BCL2L15: variants seen among roughly 807,000 people sequenced by gnomAD.
BCL2L15 encodes the protein BCL2 like 15, also known as bcl-2-like protein 15.
Under a neutral mutation model 18.3 loss-of-function variants are expected in BCL2L15, and 15 were observed. The observed-to-expected ratio is 0.82, with a 90% CI of 0.55 to 1.26. The LOEUF (loss-of-function observed/expected upper bound fraction) is 1.26. Ranked by LOEUF, BCL2L15 falls within the 50% of genes most tolerant of loss-of-function variation. The pLI is 0.00. For synonymous variants in BCL2L15, 58 were observed against 68.5 expected (o/e 0.85, Z 0.76); for missense variants, 180 against 201.7 (o/e 0.89, Z 0.65).
rs199687942 is a variant in BCL2L15 at position 113,887,343 on chromosome 1, C to G, written c.33G>C (p.Thr11=). 2 of 1,614,104 alleles carry G rather than the reference C, an allele frequency of 1.2e-6. No individual in the cohort carries two copies. Among genetic ancestry groups the G allele is most frequent in the Admixed American group, 3.3e-5 (2 of 60,028 alleles). MKSSQTFEEQ[T]ECIVNTLLMD... is the part of the protein sequence containing the mutation. The stretch of plus-strand genomic sequence containing the variant: ...TGAGTAGAGTGTTCACAATGCATTC[C>G]GTTTGTTCCTCAAAAGTTTGGGAGC... Residue 11 remains threonine, a synonymous_variant, in exon 1 of 4, where the codon ACG becomes ACC. Transcript: ENST00000393316.
intron 2 of BCL2L15, among the ~76,000 whole-genome samples, chr1:113,884,671 G>T (rs1217423): frequency 0.41 from 62,002 of 152,046 alleles, 15,528 homozygotes; most frequent in African/African-American, 0.71. Context: ...ATTCAAGAGA[G>T]AAATTATTTG....
intron 3 of BCL2L15, 178 bp downstream of exon 3, chr1:113,881,595 G>A: frequency 7.0e-7 from 1 of 1,428,018 alleles, no homozygotes; most frequent in South Asian, 1.5e-5. Flanking sequence ...TCCACAGGCT[G>A]AGCTTCTGTC....
intron 2 of BCL2L15, among the ~76,000 whole-genome samples, chr1:113,883,417 G>A (rs1009187524): frequency 6.6e-6 from 1 of 151,688 alleles, no homozygotes; most frequent in African/African-American, 2.4e-5. Flanking sequence ...GGGAGGCAGA[G>A]GTTGAAGAGA....
At chr1:113,882,043 T>G (rs759756081) in intron 2 of BCL2L15, 46 bp from the exon 3 acceptor site, 1 of 1,469,100 alleles carries the variant, frequency 6.8e-7, no homozygotes, top group East Asian at 2.3e-5. Context: ...ACTCAAAAAG[T>G]GCAGGAGGCT....
rs1212788584 is a variant in BCL2L15, at chr1:113,881,950, C to T, written c.297G>A (p.Trp99Ter). 2 of 1,613,934 alleles carry T rather than the reference C, an allele frequency of 1.2e-6. No homozygotes were observed. The highest frequency in any genetic ancestry group is 2.7e-5 in the African/African-American group (2 of 74,922). ...QDTVESLSKTWCAQDSSLAYE... is the reference protein window; with the variant it reads ...QDTVESLSKT ...AAGCTAAGCTGGAATCCTGAGCACA[C>T]CAGGTCTTGCTGAGAGATTCCACAG... is the stretch of plus-strand genomic sequence containing the variant. The change falls in exon 3 of 4, where the codon TGG becomes TGA. Residue 99 changes from tryptophan to a stop codon, truncating the protein, a stop_gained. Coordinates refer to ENST00000393316, the MANE Select transcript of BCL2L15 (RefSeq NM_001010922.3). LOFTEE classifies it high-confidence loss of function.
intron 2 of BCL2L15, among the ~76,000 whole-genome samples, chr1:113,882,209 C>G (rs1666897529): frequency 6.6e-6 from 1 of 152,150 alleles, no homozygotes; most frequent in Non-Finnish European, 1.5e-5. Context: ...AGTAGTCCAT[C>G]AAACCCATGA....
chr1:113,887,165 T>C, intron 1 of BCL2L15, 84 bp downstream of exon 1: 4 of 1,367,628 alleles, frequency 2.9e-6, no homozygotes, highest in Non-Finnish European at 3.1e-6. Flanking sequence ...CCCAAAGTGC[T>C]GGGATTACGG....
At chr1:113,886,906 GT>G (rs142883498) in intron 1 of BCL2L15, among the ~76,000 whole-genome samples, 46,201 of 145,068 alleles carry the variant, frequency 0.32, 8,532 homozygotes, top group East Asian at 0.77. Context: ...AAAATATACT[GT>G]TTTTTTTTTT....
In BCL2L15 at chr1:113,879,065, G is replaced by A. The variant is rs903271190; in HGVS notation, c.*2058C>T. 4 of 152,080 alleles carry A rather than the reference G, an allele frequency of 2.6e-5. No homozygotes were observed. The highest frequency in any genetic ancestry group is 9.7e-5 in the African/African-American group (4 of 41,412). The allele number at this position is 152,080 out of a possible 1,614,324, so 9.4% of individuals were successfully genotyped here. On this transcript the variant is annotated 3_prime_UTR_variant, in exon 4 of 4. Transcript: ENST00000393316. ...AGGGTTTCACCATGTTGGCCAGGCT[G>A]GTCTCAAACTCCTAACCTCAGGTGA... is the stretch of plus-strand genomic sequence containing the variant.
Position 113,877,939 on chromosome 1 carries a change from C to A in BCL2L15, c.*3184G>T, listed in dbSNP as rs1383130081. On this transcript the variant is annotated 3_prime_UTR_variant, in exon 4 of 4. Transcript: ENST00000393316. ...AGAGTATGGGGATAAGAAAGGTACA[C>A]ATAAATAAATAATAAGCATCTGTGG... Among the ~76,000 whole-genome samples, 7 of 152,012 alleles carry A rather than the reference C, an allele frequency of 4.6e-5. No individual in the cohort carries two copies. Among genetic ancestry groups the A allele is most frequent in the Non-Finnish European group, 1.0e-4 (7 of 68,010 alleles).
chr1:113,880,822 T>C lies in BCL2L15; in HGVS notation c.*301A>G. 2 of 416,574 alleles carry C rather than the reference T, an allele frequency of 4.8e-6. No homozygotes were observed. Among genetic ancestry groups the C allele is most frequent in the Non-Finnish European group, 8.7e-6 (2 of 229,812 alleles). The allele number at this position is 416,574 out of a possible 1,614,324, so 25.8% of individuals were successfully genotyped here. A position where few individuals can be genotyped will look rare whatever the true frequency, so the allele number is the denominator to read the frequency against. ...ATTCCACTACTAACAAGTCATTACT[T>C]TGTGTCTAGGGGTCTTTGCTTCAAC... On this transcript the variant is annotated 3_prime_UTR_variant, in exon 4 of 4. Coordinates refer to ENST00000393316, the MANE Select transcript of BCL2L15 (RefSeq NM_001010922.3).
At chr1:113,886,906 G>GT (rs142883498) in intron 1 of BCL2L15, among the ~76,000 whole-genome samples, 4,011 of 145,094 alleles carry the variant, frequency 0.028, 175 homozygotes, top group African/African-American at 0.093. Flanking sequence ...AAAATATACT[G>GT]TTTTTTTTTT....
chr1:113,886,745 T>G (rs574667887), intron 1 of BCL2L15, 87 bp from the exon 2 acceptor site: 300 of 1,281,164 alleles, frequency 2.3e-4, no homozygotes, highest in Non-Finnish European at 3.0e-4. Flanking sequence ...TTGTCTTGTC[T>G]TTTAAATAAT....
At chr1:113,886,425 C>T in intron 2 of BCL2L15, 112 bp downstream of exon 2, 4 of 1,181,976 alleles carry the variant, frequency 3.4e-6, no homozygotes, top group South Asian at 1.6e-5. Context: ...AATATAAGCA[C>T]CCAAATATTT....
In BCL2L15 at chr1:113,886,763, T is replaced by A. The variant is rs1261349612; in HGVS notation, c.128-105A>T. On this transcript the variant is annotated intron_variant, in intron 1 of 3. Transcript: ENST00000393316. ...TCTTGTCTTTTAAATAATTTTCATATCATGATCTCCCAAGAGCTTAAATGT... is the reference window on the plus strand; with the variant it reads ...TCTTGTCTTTTAAATAATTTTCATAACATGATCTCCCAAGAGCTTAAATGT... 4 of 1,106,152 alleles carry A rather than the reference T, an allele frequency of 3.6e-6. No homozygotes were observed. The East Asian group carries it at 1.0e-4, about 28-fold the overall frequency. The allele number at this position is 1,106,152 out of a possible 1,614,324, so 68.5% of individuals were successfully genotyped here.
intron 3 of BCL2L15, 118 bp downstream of exon 3, chr1:113,881,655 G>C (rs918272434): frequency 1.4e-6 from 2 of 1,442,402 alleles, no homozygotes. Flanking sequence ...AGCAAAATAG[G>C]GAAGCCTGTT....
chr1:113,883,898 C>T (rs926539381), intron 2 of BCL2L15, among the ~76,000 whole-genome samples: 14 of 152,188 alleles, frequency 9.2e-5, no homozygotes, highest in African/African-American at 3.4e-4. Context: ...AATAGAGACA[C>T]ATCAAAGAGA....
rs1270333779 is a variant in BCL2L15 at position 113,881,805 on chromosome 1, T to C, written c.442A>G (p.Ile148Val). 2 of 1,614,108 alleles carry C rather than the reference T, an allele frequency of 1.2e-6. No individual in the cohort carries two copies. Among genetic ancestry groups the C allele is most frequent in the Non-Finnish European group, 1.7e-6 (2 of 1,180,030 alleles). The change falls in exon 3 of 4, where the codon ATC becomes GTC. Residue 148 changes from isoleucine (I) to valine (V), a missense_variant. Physicochemically the swap from Ile to Val is conservative, Grantham distance 29. Coordinates refer to ENST00000393316, the MANE Select transcript of BCL2L15 (RefSeq NM_001010922.3). ...MTGMINGNQA[I>V]REFIQGQGGW... The stretch of plus-strand genomic sequence containing the variant: ...CCCTGGCCCTGGATGAACTCCCGGA[T>C]GGCTTGGTTCCCATTGATCATACCC...
At chr1:113,885,699 G>C (rs996612708) in intron 2 of BCL2L15, among the ~76,000 whole-genome samples, 10 of 152,298 alleles carry the variant, frequency 6.6e-5, no homozygotes, top group African/African-American at 2.4e-4. Context: ...GGTAGAGACG[G>C]GGTTTCACCA....
Sources: gnomAD v4.1 joint callset for allele counts (sites outside exome capture counted in the v4.1 genomes callset) on GRCh38, gnomAD v4.1.1 for gene constraint, MANE v1.5 for transcripts, NCBI Gene and HGNC (gene_info 2026-07-23, HGNC 2026-07-21) for gene names.